The following PFKP variants were observed in gnomAD, a reference collection of about 807,000 sequenced individuals.
PFKP encodes phosphofructokinase, platelet.
In PFKP, 101 loss-of-function variants were observed where a neutral mutation model predicts 94.3. The observed-to-expected ratio is 1.07, with a 90% CI of 0.91 to 1.26. The LOEUF (loss-of-function observed/expected upper bound fraction) is 1.26. Among genes scored for constraint, PFKP ranks in the 50% most tolerant of loss-of-function variants. The pLI is 0.00. For missense variants in PFKP, 1,145 were observed against 1,103.3 expected (o/e 1.04, Z -0.53); for synonymous variants, 573 against 432.6 (o/e 1.32, Z -4.03).
intron 21 of PFKP, among the ~76,000 whole-genome samples, chr10:3,136,155 TCAGGAGG>T (rs1564365873): frequency 2.6e-5 from 4 of 152,120 alleles, no homozygotes. Context: ...TCCCAGCTAC[TCAGGAGG>T]CTGAGGCAGG....
chr10:3,122,137 T>G (rs549970079), intron 16 of PFKP, among the ~76,000 whole-genome samples: 74 of 152,264 alleles, frequency 4.9e-4, no homozygotes, highest in Admixed American at 1.0e-3. Context: ...GTTAACTGAT[T>G]ACAATGTCTG....
In PFKP at chr10:3,082,481, C is replaced by T; in HGVS notation, c.186+20C>T. The T allele has an allele frequency of 4.4e-6, 7 of 1,576,192 alleles. No homozygotes were observed. Among genetic ancestry groups the T allele is most frequent in the East Asian group, 4.5e-5 (2 of 44,038 alleles). ...TACGAGGTCAGTGTCTGCCCCTCAC[C>T]CCCTGTCGCCCTTCTTCCACCTGCC... is the stretch of plus-strand genomic sequence containing the variant. On this transcript the variant is annotated intron_variant, in intron 2 of 21. Transcript: ENST00000381125.
At chr10:3,113,347 C>T (rs1284736776) in intron 12 of PFKP, 25 bp from the exon 13 acceptor site, 11 of 1,576,130 alleles carry the variant, frequency 7.0e-6, no homozygotes, top group South Asian at 2.3e-5. Flanking sequence ...CGTGACCCAG[C>T]ACTCACCTGC....
intron 1 of PFKP, among the ~76,000 whole-genome samples, chr10:3,069,553 G>T (rs980132169): frequency 6.6e-6 from 1 of 152,112 alleles, no homozygotes; most frequent in Non-Finnish European, 1.5e-5. Context: ...CCACCAGGGC[G>T]GGTGGAAAGT....
At chr10:3,105,084 G>C in intron 5 of PFKP, 31 bp from the exon 6 acceptor site, 2 of 1,610,016 alleles carry the variant, frequency 1.2e-6, no homozygotes, top group Non-Finnish European at 8.5e-7. Flanking sequence ...TTTCTGAGCT[G>C]TGTCCGGGGC....
intron 1 of PFKP, among the ~76,000 whole-genome samples, chr10:3,068,903 G>C (rs910401017): frequency 6.6e-6 from 1 of 152,182 alleles, no homozygotes; most frequent in Non-Finnish European, 1.5e-5. Flanking sequence ...TCCCGTTTCG[G>C]GGCCGCGCAC....
At chr10:3,073,533 C>T (rs1184508333) in intron 1 of PFKP, among the ~76,000 whole-genome samples, 5 of 151,810 alleles carry the variant, frequency 3.3e-5, no homozygotes, top group East Asian at 1.9e-4. Context: ...GCCAGTGGAG[C>T]GGTTTGCAAA....
chr10:3,076,997 G>A (rs151075552), intron 1 of PFKP, among the ~76,000 whole-genome samples: 112 of 152,316 alleles, frequency 7.4e-4, no homozygotes, highest in Non-Finnish European at 1.3e-3. Flanking sequence ...AACTTTGGCA[G>A]CAGTAGTGAG....
chr10:3,116,133 A>AATAT (rs140713081), intron 13 of PFKP, among the ~76,000 whole-genome samples: 7,535 of 150,972 alleles, frequency 0.05, 577 homozygotes, highest in African/African-American at 0.17. Flanking sequence ...GGTTCTGTCA[A>AATAT]ATATATATAT....
rs768891829 is a variant in PFKP, at chr10:3,099,361, T to C, written c.264+9T>C. ...CCAGCATCCTGCAAGTGGTAGGTACTGGGCTGCGTCCACAGGGTTCTCTGA... is the reference window on the plus strand; with the variant it reads ...CCAGCATCCTGCAAGTGGTAGGTACCGGGCTGCGTCCACAGGGTTCTCTGA... On this transcript the variant is annotated intron_variant, in intron 3 of 21. Coordinates refer to ENST00000381125, the MANE Select transcript of PFKP (RefSeq NM_002627.5). 8.7e-6 allele frequency: 14 copies of C among 1,610,530 alleles called. No individual in the cohort carries two copies. The highest frequency in any genetic ancestry group is 8.5e-7 in the Non-Finnish European group (1 of 1,176,740).
At chr10:3,119,474 A>G (rs7898754) in intron 15 of PFKP, among the ~76,000 whole-genome samples, 126,279 of 151,872 alleles carry the variant, frequency 0.83, 52,621 homozygotes, top group East Asian at 0.88. Flanking sequence ...GTGTGGTGGC[A>G]GGTGCCTGTA....
chr10:3,101,053 G>A (rs1303535783), intron 3 of PFKP: 3 of 1,405,008 alleles, frequency 2.1e-6, no homozygotes, highest in East Asian at 2.3e-5. Context: ...TCGTTGGCCG[G>A]TGCTGAGGCG....
In PFKP at chr10:3,098,641, C is replaced by T. The variant is rs182428034; in HGVS notation, c.187-634C>T. ...TGAGCCGAGATCGCGCCACTGCACTCCAGCCTGGGTGACAGAGTGAGACTC... is the reference window on the plus strand; with the variant it reads ...TGAGCCGAGATCGCGCCACTGCACTTCAGCCTGGGTGACAGAGTGAGACTC... On this transcript the variant is annotated intron_variant, in intron 2 of 21. Coordinates refer to ENST00000381125, the MANE Select transcript of PFKP (RefSeq NM_002627.5). Among the ~76,000 whole-genome samples, 541 of 126,826 alleles carry T rather than the reference C, an allele frequency of 4.3e-3. 2 individuals are homozygous for T. The highest frequency in any genetic ancestry group is 6.3e-3 in the Non-Finnish European group (403 of 64,222). 83.2% of individuals were successfully genotyped at this position (126,826 alleles called of 152,430 possible).
In PFKP at chr10:3,113,612, C is replaced by G. The variant is rs1046976708; in HGVS notation, c.1371+94C>G. 6 of 989,002 alleles carry G rather than the reference C, an allele frequency of 6.1e-6. No individual in the cohort carries two copies. In the Admixed American group the frequency reaches 1.3e-4, roughly 21 times the overall value. 61.3% of individuals were successfully genotyped at this position (989,002 alleles called of 1,614,324 possible). On this transcript the variant is annotated intron_variant, in intron 13 of 21. Coordinates refer to ENST00000381125, the MANE Select transcript of PFKP (RefSeq NM_002627.5). Reference sequence around the variant, plus strand: ...GGGGTGCCCTCCATGGCCCTCATACCTTTTCATGCCTCAGTCCGGGATCCT... The same window carrying G: ...GGGGTGCCCTCCATGGCCCTCATACGTTTTCATGCCTCAGTCCGGGATCCT...
rs547688362 is a variant in PFKP, at chr10:3,098,669, T to C, written c.187-606T>C. ...GCCTGGGTGACAGAGTGAGACTCCG[T>C]CTCAAAAAAAAAAAAAAAAAAGGTA... On this transcript the variant is annotated intron_variant, in intron 2 of 21. Transcript: ENST00000381125. Among the ~76,000 whole-genome samples, 23 of 9,348 alleles carry C rather than the reference T, an allele frequency of 2.5e-3. No homozygotes were observed. In the South Asian group the frequency reaches 0.1, roughly 43 times the overall value. 6.1% of individuals were successfully genotyped at this position (9,348 alleles called of 152,430 possible). A position where few individuals can be genotyped will look rare whatever the true frequency, so the allele number is the denominator to read the frequency against.
In PFKP at chr10:3,119,958, G is replaced by T. The variant is rs770144368; in HGVS notation, c.1597G>T (p.Val533Phe). Residue 533 changes from valine (V) to phenylalanine (F), a missense_variant, in exon 16 of 22, where the codon GTC (valine) becomes TTC (phenylalanine). By Grantham distance (50) the Val-to-Phe change is conservative. This residue lies in a region of PFKP where 1,119 missense variants were observed against 1,062.8 expected (regional missense o/e 1.05). Coordinates refer to ENST00000381125, the MANE Select transcript of PFKP (RefSeq NM_002627.5). The stretch of plus-strand genomic sequence containing the variant: ...GCACGAGGAGTTCTGTGTCCCCATG[G>T]TCATGGTTCCCGCTACTGTGTCCAA... Reference protein sequence around the residue: ...EKHEEFCVPMVMVPATVSNNV... With the variant: ...EKHEEFCVPMFMVPATVSNNV... 6 of 1,614,128 alleles carry T rather than the reference G, an allele frequency of 3.7e-6. No homozygotes were observed. In the South Asian group the frequency reaches 6.6e-5, roughly 18 times the overall value.
chr10:3,096,570 G>A (rs1834496160), intron 2 of PFKP, among the ~76,000 whole-genome samples: 1 of 151,914 alleles, frequency 6.6e-6, no homozygotes, highest in Non-Finnish European at 1.5e-5. Flanking sequence ...CTGAGATGTG[G>A]GCTTGGAGGA....
intron 16 of PFKP, 79 bp from the exon 17 acceptor site, chr10:3,129,740 C>G: frequency 6.7e-7 from 1 of 1,501,254 alleles, no homozygotes; most frequent in Non-Finnish European, 9.1e-7. Context: ...CCTTGCTGCA[C>G]TCACTCTTGG....
rs1242052333 is a variant in PFKP, at chr10:3,136,572, G to A, written c.2348G>A (p.Ser783Asn). The change falls in exon 22 of 22, where the codon AGT becomes AAT. Residue 783 changes from serine to asparagine, a missense_variant. Around this residue, in one of 3 missense-constraint regions of PFKP, gnomAD observed 20 missense variants for 19.6 expected, o/e 1.02. Coordinates refer to ENST00000381125, the MANE Select transcript of PFKP (RefSeq NM_002627.5). ...SGQLEHVQPW[S>N]V ...CAGCTGGAACATGTGCAGCCCTGGA[G>A]TGTCTGACCCAGTCCCGCCTGCATG... 4 of 1,613,396 alleles carry A rather than the reference G, an allele frequency of 2.5e-6. No homozygotes were observed. Among genetic ancestry groups the A allele is most frequent in the Non-Finnish European group, 3.4e-6 (4 of 1,179,652 alleles).
Sources: allele counts gnomAD v4.1 joint callset (sites outside exome capture counted in the v4.1 genomes callset), GRCh38; gene constraint gnomAD v4.1.1; regional missense constraint gnomAD v4.1.1; transcripts MANE v1.5; gene names NCBI Gene and HGNC (gene_info 2026-07-23, HGNC 2026-07-21).